The following GPHN variants were observed in gnomAD, a reference collection of about 807,000 sequenced individuals.
GPHN encodes the protein gephyrin.
Under a neutral mutation model 95.5 loss-of-function variants are expected in GPHN, and 17 were observed. That is an observed-to-expected ratio of 0.18 (90% CI 0.12 to 0.27). The LOEUF (loss-of-function observed/expected upper bound fraction) is 0.27. Among genes scored for constraint, GPHN ranks in the 10% least tolerant of loss-of-function variants. The pLI is 1.00. For missense variants in GPHN, 660 were observed against 978.1 expected (o/e 0.67, Z 4.34); for synonymous variants, 320 against 322.5 (o/e 0.99, Z 0.08).
the GPHN span, among the ~76,000 whole-genome samples, chr14:67,675,006 CG>C: frequency 6.6e-6 from 1 of 152,188 alleles, no homozygotes; most frequent in Non-Finnish European, 1.5e-5. Flanking sequence ...GCGGCGACAG[CG>C]GGCTTCGGCC....
the GPHN span, among the ~76,000 whole-genome samples, chr14:67,324,266 A>T: frequency 1.3e-5 from 2 of 152,128 alleles, no homozygotes; most frequent in Non-Finnish European, 2.9e-5. Flanking sequence ...ATTATTTTAG[A>T]TCTATGCTAG....
intron 1 of GPHN, among the ~76,000 whole-genome samples, chr14:66,662,172 C>T (rs547814871): frequency 1.3e-5 from 2 of 152,302 alleles, no homozygotes; most frequent in South Asian, 2.1e-4. Context: ...TGTGGCTAGA[C>T]TGCTTCTTTA....
chr14:66,558,360 C>T (rs1453077844), intron 1 of GPHN, among the ~76,000 whole-genome samples: 2 of 152,108 alleles, frequency 1.3e-5, no homozygotes, highest in East Asian at 1.9e-4. Flanking sequence ...GAGGAAAATA[C>T]ATAGAGAAGA....
the GPHN span, among the ~76,000 whole-genome samples, chr14:67,700,190 G>A: frequency 6.6e-6 from 1 of 151,992 alleles, no homozygotes; most frequent in Non-Finnish European, 1.5e-5. Context: ...AGAGTTATGA[G>A]TGTACACTAT....
intron 1 of GPHN, among the ~76,000 whole-genome samples, chr14:66,676,102 G>C (rs8013315): frequency 0.33 from 49,792 of 151,710 alleles, 11,998 homozygotes; most frequent in African/African-American, 0.66. Flanking sequence ...TTCTAGTTTA[G>C]TCATCATCTG....
intron 4 of GPHN, among the ~76,000 whole-genome samples, chr14:66,876,049 C>G (rs1333494448): frequency 6.6e-6 from 1 of 152,114 alleles, no homozygotes; most frequent in Non-Finnish European, 1.5e-5. Flanking sequence ...TCATAACAGT[C>G]TCTCAGACCA....
chr14:66,757,025 T>A (rs1184973543), intron 2 of GPHN, among the ~76,000 whole-genome samples: 2 of 152,174 alleles, frequency 1.3e-5, no homozygotes, highest in Non-Finnish European at 2.9e-5. Context: ...AATTTTCTAT[T>A]ATTTCATTAA....
At chr14:66,586,849 AAAAAC>A (rs747848197) in intron 1 of GPHN, among the ~76,000 whole-genome samples, 4 of 152,190 alleles carry the variant, frequency 2.6e-5, no homozygotes, top group Non-Finnish European at 5.9e-5. Context: ...AAGGACTAGA[AAAAAC>A]AACAATATAA....
At chr14:66,895,954 T>C (rs2064825393) in intron 5 of GPHN, among the ~76,000 whole-genome samples, 3 of 152,176 alleles carry the variant, frequency 2.0e-5, no homozygotes, top group Admixed American at 2.0e-4. Flanking sequence ...AATTTATTGC[T>C]TACAGTTCTG....
At chr14:67,547,411 A>C in the GPHN span, among the ~76,000 whole-genome samples, 1 of 152,360 alleles carries the variant, frequency 6.6e-6, no homozygotes, top group East Asian at 1.9e-4. Context: ...TGCTTTCCCT[A>C]GCAGAGCCAA....
the GPHN span, chr14:67,381,446 C>G: frequency 2.6e-4 from 139 of 530,658 alleles, no homozygotes; most frequent in Admixed American, 1.1e-3. Context: ...CCTTGCCTCC[C>G]TTTTATAAAT....
At chr14:67,438,793 G>A in the GPHN span, among the ~76,000 whole-genome samples, 14 of 151,114 alleles carry the variant, frequency 9.3e-5, no homozygotes, top group Non-Finnish European at 1.6e-4. Flanking sequence ...CCCAGGGAGC[G>A]GAGGTTACAG....
chr14:66,785,545 A>G (rs1037213879), intron 3 of GPHN, among the ~76,000 whole-genome samples: 1 of 152,046 alleles, frequency 6.6e-6, no homozygotes, highest in Non-Finnish European at 1.5e-5. Flanking sequence ...CAAAAATTGA[A>G]ATATACAGAA....
chr14:66,903,128 T>C, intron 5 of GPHN, among the ~76,000 whole-genome samples: 1 of 152,130 alleles, frequency 6.6e-6, no homozygotes, highest in East Asian at 1.9e-4. Flanking sequence ...AGGTCTGGTG[T>C]ATAGTTTAAT....
Position 67,094,333 on chromosome 14 carries a change from G to C in GPHN, c.1237+5258G>C, listed in dbSNP as rs1384052816. Among the ~76,000 whole-genome samples the C allele has an allele frequency of 2.0e-5, 3 of 152,120 alleles. No homozygotes were observed. The East Asian group carries it at 5.8e-4, about 29-fold the overall frequency. On this transcript the variant is annotated intron_variant, in intron 12 of 22. Coordinates refer to ENST00000478722, the MANE Select transcript of GPHN (RefSeq NM_020806.5). ...GAAAAAGGAGGAATAAGAAGGAACA[G>C]CTTCAGGGTCTTGCATTAAACATTA...
intron 11 of GPHN, among the ~76,000 whole-genome samples, chr14:67,087,017 G>A (rs1808931380): frequency 1.5e-5 from 2 of 130,000 alleles, no homozygotes; most frequent in Admixed American, 8.7e-5. Context: ...CAACCTGGGC[G>A]ACAGAGCAAG....
the GPHN span, chr14:67,695,897 T>TTA: frequency 1.7e-6 from 1 of 595,440 alleles, no homozygotes; most frequent in Non-Finnish European, 3.0e-6. Flanking sequence ...AGAAGTTGAA[T>TTA]TATACATCGC....
chr14:67,215,277 C>A, the GPHN span, among the ~76,000 whole-genome samples: 1 of 152,070 alleles, frequency 6.6e-6, no homozygotes, highest in Non-Finnish European at 1.5e-5. Flanking sequence ...TCTTCCAGGA[C>A]TAGGAGCTCA....
At chr14:67,219,611 G>A in the GPHN span, among the ~76,000 whole-genome samples, 2 of 152,056 alleles carry the variant, frequency 1.3e-5, no homozygotes, top group African/African-American at 4.8e-5. Context: ...GATGAAAAAG[G>A]CTCAGCAGGT....
Sources: gnomAD v4.1 joint callset for allele counts (sites outside exome capture counted in the v4.1 genomes callset) on GRCh38, gnomAD v4.1.1 for gene constraint, MANE v1.5 for transcripts, NCBI Gene and HGNC (gene_info 2026-07-23, HGNC 2026-07-21) for gene names.